Variants in MICAL2 observed in about 807,000 individuals in gnomAD.
MICAL2 encodes the protein microtubule associated monooxygenase, calponin and LIM domain containing 2.
Under a neutral mutation model 127.3 loss-of-function variants are expected in MICAL2, and 77 were observed. The ratio of observed to expected loss-of-function variants is 0.60; its 90% CI spans 0.50 to 0.73. The LOEUF is 0.73. Ranked by LOEUF, MICAL2 falls within the 30% of genes least tolerant of loss-of-function variation. The pLI is 0.00. For synonymous variants in MICAL2, 570 were observed against 551.1 expected, an observed-to-expected ratio of 1.03 and a Z score of -0.48; for missense variants, 1,351 against 1,434.4, an observed-to-expected ratio of 0.94 and a Z score of 0.94.
chr11:12,185,742 A>C (rs1858156565), intron 3 of MICAL2, among the ~76,000 whole-genome samples: 1 of 152,316 alleles, frequency 6.6e-6, no homozygotes, highest in South Asian at 2.1e-4. Context: ...GAGGCAATAA[A>C]GACGTCCAAA....
At chr11:12,298,391 A>G (rs954673725) in intron 29 of MICAL2, among the ~76,000 whole-genome samples, 34 of 152,170 alleles carry the variant, frequency 2.2e-4, no homozygotes, top group African/African-American at 7.0e-4. Context: ...TTTTCAATGG[A>G]TTCCCCTGAG....
At chr11:12,211,119 C>A (rs563539247) in intron 6 of MICAL2, among the ~76,000 whole-genome samples, 40 of 152,314 alleles carry the variant, frequency 2.6e-4, no homozygotes, top group East Asian at 1.7e-3. Flanking sequence ...GTGGCTCACA[C>A]CTGTAATCCC....
chr11:12,340,208 A>G (rs953780955), intron 32 of MICAL2, among the ~76,000 whole-genome samples: 2 of 152,258 alleles, frequency 1.3e-5, no homozygotes, highest in African/African-American at 4.8e-5. Flanking sequence ...AATCAGTAAG[A>G]AATAGGCAAA....
chr11:12,212,566 G>A (rs1213758681), intron 6 of MICAL2, among the ~76,000 whole-genome samples: 3 of 152,204 alleles, frequency 2.0e-5, no homozygotes, highest in Non-Finnish European at 4.4e-5. Context: ...TTAAATGCCA[G>A]TTACTGGGAA....
chr11:12,122,085 G>A (rs1270800085), intron 1 of MICAL2, among the ~76,000 whole-genome samples: 1 of 152,220 alleles, frequency 6.6e-6, no homozygotes, highest in Non-Finnish European at 1.5e-5. Flanking sequence ...TTTGAAGCAT[G>A]CTGTCACAGA....
downstream of MICAL2, chr11:12,293,864 G>A: frequency 2.5e-6 from 4 of 1,609,528 alleles, no homozygotes; most frequent in South Asian, 3.3e-5. Context: ...GACAGGGCAA[G>A]AGCTATCTCC....
At chr11:12,138,518 C>T (rs1240140780) in intron 2 of MICAL2, 58 bp downstream of exon 2, 2 of 152,148 alleles carry the variant, frequency 1.3e-5, no homozygotes, top group Non-Finnish European at 2.9e-5. Context: ...GGGGGCTGGT[C>T]CTAGGCTTAG....
chr11:12,287,349 C>T (rs1863838168), downstream of MICAL2: 1 of 379,800 alleles, frequency 2.6e-6, no homozygotes, highest in Non-Finnish European at 4.7e-6. Context: ...GGAGCCTTTT[C>T]CAAGGGACTC....
chr11:12,140,495 GCT>G (rs1443947788), intron 2 of MICAL2, among the ~76,000 whole-genome samples: 1 of 146,352 alleles, frequency 6.8e-6, no homozygotes, highest in African/African-American at 2.7e-5. Context: ...GTGAACTTTG[GCT>G]CTTTTTTTTT....
At chr11:12,148,578 C>T (rs1398377160) in intron 2 of MICAL2, among the ~76,000 whole-genome samples, 1 of 152,158 alleles carries the variant, frequency 6.6e-6, no homozygotes, top group South Asian at 2.1e-4. Context: ...AGGGCAGCCA[C>T]ACTCTAGCCA....
At chr11:12,245,846 C>T (rs1452642067) in intron 21 of MICAL2, among the ~76,000 whole-genome samples, 1 of 152,208 alleles carries the variant, frequency 6.6e-6, no homozygotes, top group Non-Finnish European at 1.5e-5. Flanking sequence ...GGTATACTCC[C>T]TACTACGGGA....
chr11:12,226,653 T>G (rs1454150534), intron 14 of MICAL2, among the ~76,000 whole-genome samples: 2,184 of 71,126 alleles, frequency 0.031, 72 homozygotes, highest in African/African-American at 0.09. Context: ...TGTTTTTGGT[T>G]TTTTTTTTTT....
chr11:12,192,064 C>T (rs998691556), intron 3 of MICAL2, among the ~76,000 whole-genome samples: 1 of 151,944 alleles, frequency 6.6e-6, no homozygotes, highest in Admixed American at 6.6e-5. Flanking sequence ...CGCCCGCCAC[C>T]CAAAACCCAC....
At chr11:12,328,537 G>A (rs1864379861) in intron 32 of MICAL2, among the ~76,000 whole-genome samples, 1 of 152,146 alleles carries the variant, frequency 6.6e-6, no homozygotes, top group African/African-American at 2.4e-5. Flanking sequence ...GCTAGTGAAG[G>A]GTTTTCAGGT....
chr11:12,222,862 G>C, intron 11 of MICAL2, 119 bp downstream of exon 11: 1 of 1,312,234 alleles, frequency 7.6e-7, no homozygotes, highest in Non-Finnish European at 1.0e-6. Context: ...ACCAAGGCCT[G>C]CTGGCCTAAT....
At chr11:12,183,314 G>A (rs1163445690) in intron 3 of MICAL2, among the ~76,000 whole-genome samples, 2 of 152,166 alleles carry the variant, frequency 1.3e-5, no homozygotes, top group Non-Finnish European at 2.9e-5. Flanking sequence ...AGTTTTCAGA[G>A]TGGGTGAACA....
At chr11:12,130,853 C>G (rs903475628) in intron 1 of MICAL2, among the ~76,000 whole-genome samples, 1 of 152,166 alleles carries the variant, frequency 6.6e-6, no homozygotes, top group Non-Finnish European at 1.5e-5. Context: ...GGCAAACACA[C>G]CTGCTTATGG....
chr11:12,132,650 C>G (rs1254041413), intron 1 of MICAL2, among the ~76,000 whole-genome samples: 1 of 152,206 alleles, frequency 6.6e-6, no homozygotes, highest in African/African-American at 2.4e-5. Flanking sequence ...CTGTGAGGGT[C>G]AGCAGGCAAG....
rs985056045 is a variant in MICAL2, at chr11:12,327,227, C to T, written c.5476C>T (p.Gln1826Ter). ...GGAGCGGCAGAGGGCTTCTGAGATC[C>T]AGGGTGTGAGGCTGGAGAAGGCGTT... Residue 1826 changes from glutamine to a stop codon, truncating the protein, a stop_gained, in exon 32 of 35, where the codon CAG (glutamine) becomes TAG (stop). Coordinates refer to the MICAL2 transcript ENST00000646065. LOFTEE classifies it high-confidence loss of function. 1 of 1,551,432 alleles carries T rather than the reference C, an allele frequency of 6.4e-7. No homozygotes were observed. Among genetic ancestry groups the T allele is most frequent in the Non-Finnish European group, 8.7e-7 (1 of 1,147,052 alleles).
Sources: allele counts gnomAD v4.1 joint callset (sites outside exome capture counted in the v4.1 genomes callset), GRCh38; gene constraint gnomAD v4.1.1; transcripts MANE v1.5; gene names NCBI Gene and HGNC (gene_info 2026-07-23, HGNC 2026-07-21).